The following LEPR variants were observed in gnomAD, a reference collection of about 807,000 sequenced individuals.
LEPR encodes the protein leptin receptor, also known as OB receptor.
Under a neutral mutation model 114.7 loss-of-function variants are expected in LEPR, and 56 were observed. The observed-to-expected ratio is 0.49, with a 90% confidence interval of 0.39 to 0.61. The LOEUF (loss-of-function observed/expected upper bound fraction) is 0.61, where lower values mean the gene tolerates loss of function less well. Ranked by LOEUF, LEPR falls within the 20% of genes least tolerant of loss-of-function variation. The pLI, the probability that LEPR is intolerant of heterozygous loss-of-function variation, is 0.00. For synonymous variants in LEPR, 443 were observed against 461.4 expected (o/e 0.96, Z 0.51); for missense variants, 1,202 against 1,352.9 (o/e 0.89, Z 1.75).
chr1:65,554,684 C>T (rs1248075558), intron 2 of LEPR, among the ~76,000 whole-genome samples: 1 of 152,086 alleles, frequency 6.6e-6, no homozygotes, highest in East Asian at 1.9e-4. Context: ...CCATTTGACT[C>T]CCTGGCTTCA....
At position 65,511,464 on chromosome 1, in the gene LEPR, A is replaced by G. The variant is rs1649033713; in HGVS notation, c.-20-54082A>G. Among the ~76,000 whole-genome samples the G allele has an allele frequency of 2.2e-5, 3 of 137,094 alleles. No homozygotes were observed. The Admixed American group carries it at 2.2e-4, about 10-fold the overall frequency. The allele number at this position is 137,094 out of a possible 152,430, so 89.9% of individuals were successfully genotyped here. A position where few individuals can be genotyped will look rare whatever the true frequency, so the allele number is the denominator to read the frequency against. The stretch of plus-strand genomic sequence containing the variant: ...CACACACACACACACACACACACAC[A>G]CACACACGTGTATTTTTCCCAAAAG... On this transcript the variant is annotated intron_variant, in intron 2 of 19. Transcript: ENST00000349533.
In LEPR at chr1:65,488,220, CTCTCTCTCTTTCTT is replaced by C. The variant is rs1357816778; in HGVS notation, c.-21+62846_-21+62859del. The stretch of plus-strand genomic sequence containing the variant: ...TCTTTCTTTCTTTCTTTCTCTCTCT[CTCTCTCTCTTTCTT>C]TCTTTCTTTCTTTCTTTCTTTCTTT... On this transcript the variant is annotated intron_variant, in intron 2 of 19. Transcript: ENST00000349533. 1.3e-4 allele frequency among the ~76,000 whole-genome samples: 6 copies of C among 44,554 alleles called. No individual in the cohort carries two copies. In the East Asian group the frequency reaches 1.7e-3, roughly 13 times the overall value. 29.2% of individuals were successfully genotyped at this position (44,554 alleles called of 152,430 possible).
chr1:65,589,776 C>G (rs1655565748), intron 5 of LEPR, among the ~76,000 whole-genome samples: 1 of 151,754 alleles, frequency 6.6e-6, no homozygotes, highest in African/African-American at 2.4e-5. Flanking sequence ...CATTCATTTA[C>G]TTTTTTTTGT....
intron 2 of LEPR, among the ~76,000 whole-genome samples, chr1:65,507,001 G>T (rs1648762375): frequency 6.6e-6 from 1 of 152,058 alleles, no homozygotes; most frequent in African/African-American, 2.4e-5. Flanking sequence ...CTATGAGTTT[G>T]ACTTTTTAAG....
chr1:65,611,180 A>G (rs1657142089), intron 14 of LEPR, among the ~76,000 whole-genome samples: 1 of 151,928 alleles, frequency 6.6e-6, no homozygotes, highest in African/African-American at 2.4e-5. Context: ...TTCTTTTGTT[A>G]TTGCTCTCTT....
intron 5 of LEPR, among the ~76,000 whole-genome samples, chr1:65,580,248 AGAGCT>A (rs1654888637): frequency 2.6e-5 from 4 of 152,220 alleles, no homozygotes; most frequent in African/African-American, 7.2e-5. Flanking sequence ...TTCAATGGGT[AGAGCT>A]GGTCAATATA....
chr1:65,426,015 G>A (rs1321487637), intron 2 of LEPR, among the ~76,000 whole-genome samples: 2 of 152,164 alleles, frequency 1.3e-5, no homozygotes, highest in East Asian at 1.9e-4. Context: ...GTTTCAGTGG[G>A]GGAGACGGAC....
rs1658602014 is a variant in LEPR, at chr1:65,633,382, G to T, written c.2674-2809G>T. 9 of 1,321,554 alleles carry T rather than the reference G, an allele frequency of 6.8e-6. No individual in the cohort carries two copies. Among genetic ancestry groups the T allele is most frequent in the Non-Finnish European group, 8.7e-6 (9 of 1,037,192 alleles). The allele number at this position is 1,321,554 out of a possible 1,614,324, so 81.9% of individuals were successfully genotyped here. On this transcript the variant is annotated intron_variant, in intron 19 of 19. Coordinates refer to ENST00000349533, the MANE Select transcript of LEPR (RefSeq NM_002303.6). The surrounding 1 kb of genome is among the most constrained non-coding windows in gnomAD (Gnocchi z 4.1). ...CAAAATGTAGATTTGAGTCCAGTTT[G>T]GATGTGTGATTAATTTTCAAATCAT...
At chr1:65,627,135 G>A (rs2101027529) in intron 19 of LEPR, among the ~76,000 whole-genome samples, 1 of 152,222 alleles carries the variant, frequency 6.6e-6, no homozygotes, top group Non-Finnish European at 1.5e-5. Context: ...CACCCAGCCT[G>A]TCCATGTAAC....
intron 2 of LEPR, among the ~76,000 whole-genome samples, chr1:65,538,293 A>T (rs1458321888): frequency 6.6e-6 from 1 of 151,256 alleles, no homozygotes; most frequent in Non-Finnish European, 1.5e-5. Flanking sequence ...CTTCAGGATT[A>T]TATTATGTGT....
chr1:65,434,221 A>G (rs761079055), intron 2 of LEPR: 88 of 979,138 alleles, frequency 9.0e-5, no homozygotes, highest in Non-Finnish European at 1.0e-4. Flanking sequence ...TCATTTAAAC[A>G]GTAAATATTA....
intron 2 of LEPR, among the ~76,000 whole-genome samples, chr1:65,441,662 C>T (rs1646651191): frequency 6.6e-6 from 1 of 152,038 alleles, no homozygotes; most frequent in Non-Finnish European, 1.5e-5. Context: ...TTGGGATTTG[C>T]ATCAGAATGA....
At chr1:65,520,549 G>T (rs919172317) in intron 2 of LEPR, among the ~76,000 whole-genome samples, 4 of 152,160 alleles carry the variant, frequency 2.6e-5, no homozygotes, top group African/African-American at 9.7e-5. Flanking sequence ...TATGAATGAT[G>T]TTAACATCAT....
At chr1:65,436,814 T>G (rs1305423504) in intron 2 of LEPR, among the ~76,000 whole-genome samples, 3 of 152,242 alleles carry the variant, frequency 2.0e-5, no homozygotes, top group African/African-American at 7.2e-5. Flanking sequence ...TGTGCATTCA[T>G]TTTTCCCCTC....
At chr1:65,592,532 TCAGATAC>T in intron 5 of LEPR, 118 bp from the exon 6 acceptor site, 1 of 962,710 alleles carries the variant, frequency 1.0e-6, no homozygotes, top group Non-Finnish European at 1.5e-6. Context: ...TTTTTTTTTT[TCAGATAC>T]CCTTTAAGCT....
At chr1:65,527,337 C>A (rs918934922) in intron 2 of LEPR, among the ~76,000 whole-genome samples, 2 of 152,150 alleles carry the variant, frequency 1.3e-5, no homozygotes, top group African/African-American at 2.4e-5. Flanking sequence ...CAGAAAATAG[C>A]AGAGATTAAC....
intron 2 of LEPR, among the ~76,000 whole-genome samples, chr1:65,493,276 C>T (rs1479850995): frequency 6.6e-6 from 1 of 152,100 alleles, no homozygotes; most frequent in Non-Finnish European, 1.5e-5. Flanking sequence ...ATTTTTACTG[C>T]AACTCCACAC....
chr1:65,626,823 T>C (rs534609931), intron 19 of LEPR, among the ~76,000 whole-genome samples: 3 of 152,132 alleles, frequency 2.0e-5, no homozygotes, highest in South Asian at 4.1e-4. Flanking sequence ...TTTGTAGATA[T>C]GGGGTTTTGT....
At chr1:65,568,515 T>C (rs1653928950) in intron 3 of LEPR, among the ~76,000 whole-genome samples, 1 of 151,920 alleles carries the variant, frequency 6.6e-6, no homozygotes, top group Non-Finnish European at 1.5e-5. Context: ...TGTGTGTGTG[T>C]GTGTGTGTGT....
Sources: allele counts gnomAD v4.1 joint callset (sites outside exome capture counted in the v4.1 genomes callset), GRCh38; gene constraint gnomAD v4.1.1; non-coding constraint Gnocchi (gnomAD v3.1); transcripts MANE v1.5; gene names NCBI Gene and HGNC (gene_info 2026-07-23, HGNC 2026-07-21).